The following CWH43 variants were observed in gnomAD, a reference collection of about 807,000 sequenced individuals.
CWH43 encodes cell wall biogenesis 43 C-terminal homolog, also known as PGAP2-interacting protein.
In CWH43, 91 loss-of-function variants were observed where a neutral mutation model predicts 85.7. The ratio of observed to expected loss-of-function variants is 1.06; its 90% CI spans 0.90 to 1.26. The LOEUF (loss-of-function observed/expected upper bound fraction) is 1.26, where lower values mean the gene tolerates loss of function less well. Among genes scored for constraint, CWH43 ranks in the 50% most tolerant of loss-of-function variants. CWH43 has a pLI of 0.00. For missense variants in CWH43, 869 were observed against 839.2 expected (o/e 1.04, Z -0.44); for synonymous variants, 323 against 293.6 (o/e 1.10, Z -1.02).
chr4:49,027,789 T>A (rs1783961897), intron 9 of CWH43, among the ~76,000 whole-genome samples: 1 of 151,986 alleles, frequency 6.6e-6, no homozygotes, highest in South Asian at 2.1e-4. Flanking sequence ...ATTCTTCTGA[T>A]TTTTTTTGAC....
chr4:49,054,156 T>C (rs1784883083), intron 15 of CWH43, among the ~76,000 whole-genome samples: 1 of 152,176 alleles, frequency 6.6e-6, no homozygotes, highest in African/African-American at 2.4e-5. Flanking sequence ...CCCAAAAATC[T>C]TTAATCTATT....
chr4:49,018,292 T>A (rs1233529967), intron 9 of CWH43, among the ~76,000 whole-genome samples: 1 of 152,134 alleles, frequency 6.6e-6, no homozygotes, highest in African/African-American at 2.4e-5. Flanking sequence ...TCCACCCCCA[T>A]GATCTGGTCA....
At chr4:49,029,339 T>C (rs756037947) in intron 10 of CWH43, among the ~76,000 whole-genome samples, 3 of 152,166 alleles carry the variant, frequency 2.0e-5, no homozygotes, top group Non-Finnish European at 2.9e-5. Context: ...GCATTATGCT[T>C]GGTAAAAGTC....
intron 14 of CWH43, among the ~76,000 whole-genome samples, chr4:49,049,933 T>C (rs1163343241): frequency 6.6e-6 from 1 of 152,204 alleles, no homozygotes; most frequent in East Asian, 1.9e-4. Flanking sequence ...AATGCATCCT[T>C]CCCTACTAGA....
rs141376548 is a variant in CWH43 at position 48,988,535 on chromosome 4, G to A, written c.102G>A (p.Leu34=). The stretch of plus-strand genomic sequence containing the variant: ...GACCGATGATCTATTACTTTCCTTT[G>A]CAAACACTAGAACTCACTGGGCTTG... ...DLGPMIYYFP[L]QTLELTGLEG... is the part of the protein sequence containing the mutation. The change falls in exon 2 of 16, where the codon TTG becomes TTA. Residue 34 remains leucine, a synonymous_variant. Coordinates refer to ENST00000226432, the MANE Select transcript of CWH43 (RefSeq NM_025087.3). 2.2e-5 allele frequency: 36 copies of A among 1,610,858 alleles called. No individual in the cohort carries two copies. The highest frequency in any genetic ancestry group is 1.5e-4 in the South Asian group (14 of 90,720).
At chr4:49,053,919 C>T (rs1200617303) in intron 15 of CWH43, among the ~76,000 whole-genome samples, 5 of 152,086 alleles carry the variant, frequency 3.3e-5, no homozygotes, top group African/African-American at 1.2e-4. Context: ...ATAAAGAATA[C>T]TCAACCTATA....
chr4:49,046,652 C>T (rs1378819692), intron 14 of CWH43, among the ~76,000 whole-genome samples: 1 of 152,030 alleles, frequency 6.6e-6, no homozygotes, highest in African/African-American at 2.4e-5. Context: ...CCCACCTGTG[C>T]ATACCCTGAG....
intron 8 of CWH43, among the ~76,000 whole-genome samples, chr4:49,014,780 A>G (rs1487048019): frequency 1.3e-5 from 2 of 152,136 alleles, no homozygotes; most frequent in East Asian, 1.9e-4. Context: ...AGATTTTTCC[A>G]TATGCCTCAT....
chr4:49,017,650 C>T (rs1308933115), intron 9 of CWH43, among the ~76,000 whole-genome samples: 3 of 152,022 alleles, frequency 2.0e-5, no homozygotes, highest in African/African-American at 4.8e-5. Flanking sequence ...TACTTGAGAC[C>T]GGGTAATTTA....
In CWH43 at chr4:49,003,896, T is replaced by G. The variant is rs746518484; in HGVS notation, c.964T>G (p.Phe322Val). 1 of 1,613,968 alleles carries G rather than the reference T, an allele frequency of 6.2e-7. No homozygotes were observed. The highest frequency in any genetic ancestry group is 8.5e-7 in the Non-Finnish European group (1 of 1,179,910). Residue 322 changes from phenylalanine (F) to valine (V), a missense_variant, in exon 7 of 16, where the codon TTT (phenylalanine) becomes GTT (valine). This residue lies in a region of CWH43 where 577 missense variants were observed against 513.1 expected (regional missense o/e 1.12). Coordinates refer to ENST00000226432, the MANE Select transcript of CWH43 (RefSeq NM_025087.3). ...GAAAACCATGACCATTGCCATGATA[T>G]TTTATCTTCTAGAAATATTTTTCTG... Reference protein sequence around the residue: ...PGKTMTIAMIFYLLEIFFCAW... With the variant: ...PGKTMTIAMIVYLLEIFFCAW...
At chr4:49,048,095 A>G (rs1236340016) in intron 14 of CWH43, among the ~76,000 whole-genome samples, 3 of 152,232 alleles carry the variant, frequency 2.0e-5, no homozygotes, top group Non-Finnish European at 4.4e-5. Context: ...AATTGTTTAA[A>G]TGAGATATCG....
At chr4:49,004,510 C>T (rs1783092651) in intron 7 of CWH43, among the ~76,000 whole-genome samples, 1 of 152,146 alleles carries the variant, frequency 6.6e-6, no homozygotes, top group Admixed American at 6.5e-5. Flanking sequence ...CCTCTGCCTC[C>T]CAAGTAGTTG....
chr4:49,034,855 C>T (rs1202236271), intron 12 of CWH43, among the ~76,000 whole-genome samples: 4 of 152,160 alleles, frequency 2.6e-5, no homozygotes, highest in Non-Finnish European at 5.9e-5. Context: ...ATGCAAAGTA[C>T]ATGAATGTAG....
At chr4:48,989,216 C>A (rs1782581720) in intron 2 of CWH43, among the ~76,000 whole-genome samples, 1 of 152,096 alleles carries the variant, frequency 6.6e-6, no homozygotes, top group South Asian at 2.1e-4. Flanking sequence ...AAAGGAAATA[C>A]AATTAGTTCT....
intron 8 of CWH43, among the ~76,000 whole-genome samples, chr4:49,014,134 T>G (rs1057087396): frequency 3.5e-4 from 53 of 152,144 alleles, no homozygotes; most frequent in African/African-American, 1.2e-3. Context: ...ATAAAAACCT[T>G]CATATATGTT....
intron 12 of CWH43, among the ~76,000 whole-genome samples, chr4:49,035,905 T>C (rs1215653809): frequency 6.6e-6 from 1 of 152,154 alleles, no homozygotes; most frequent in Non-Finnish European, 1.5e-5. Flanking sequence ...TGAATCCTTG[T>C]TGTAGGTATC....
chr4:49,038,971 T>C (rs1399906477), intron 13 of CWH43, among the ~76,000 whole-genome samples: 2 of 151,538 alleles, frequency 1.3e-5, no homozygotes, highest in Middle Eastern at 3.4e-3. Context: ...GGCAGGAGAA[T>C]GGCAGGAATC....
In CWH43 at chr4:49,038,074, C is replaced by T. The variant is rs761346667; in HGVS notation, c.1697C>T (p.Ser566Leu). The T allele has an allele frequency of 1.1e-4, 170 of 1,611,976 alleles. No homozygotes were observed. Among genetic ancestry groups the T allele is most frequent in the Non-Finnish European group, 1.3e-4 (157 of 1,179,248 alleles). The change falls in exon 13 of 16, where the codon TCA becomes TTA. Residue 566 changes from serine to leucine, a missense_variant. Physicochemically the swap from Ser to Leu is moderately radical, Grantham distance 145. Transcript: ENST00000226432. ...AGGAAACTGCAGGCTATTGCTGTTT[C>T]AAAACTACTGAAAAGTAGCTCTAAT... Reference protein sequence around the residue: ...LDRKLQAIAVSKLLKSSSNQV... With the variant: ...LDRKLQAIAVLKLLKSSSNQV...
chr4:49,043,220 C>G (rs1465643526), intron 13 of CWH43, among the ~76,000 whole-genome samples: 4 of 152,144 alleles, frequency 2.6e-5, no homozygotes, highest in African/African-American at 9.7e-5. Flanking sequence ...CTGCAAAGCC[C>G]TCAGACTTAC....
Sources: gnomAD v4.1 joint callset for allele counts (sites outside exome capture counted in the v4.1 genomes callset) on GRCh38, gnomAD v4.1.1 for gene constraint, gnomAD v4.1.1 regional missense constraint, MANE v1.5 for transcripts, NCBI Gene and HGNC (gene_info 2026-07-23, HGNC 2026-07-21) for gene names.